ADAMTSL1: variants seen among roughly 807,000 people sequenced by gnomAD.
The protein encoded by ADAMTSL1 is ADAMTS like 1, also known as ADAMTS-like protein 1.
ADAMTSL1 carries 126 observed loss-of-function variants against 201.8 expected under a neutral mutation model. The observed-to-expected ratio is 0.62, with a 90% CI of 0.54 to 0.72. The LOEUF is 0.72. Among genes scored for constraint, ADAMTSL1 ranks in the 30% least tolerant of loss-of-function variants. The probability of loss-of-function intolerance (pLI) is 0.00; values close to 1 mark genes in which losing one functional copy is unlikely to be tolerated. For missense variants in ADAMTSL1, 2,679 were observed against 2,277.8 expected, an observed-to-expected ratio of 1.18 and a Z score of -3.59; for synonymous variants, 1,121 against 903.4, an observed-to-expected ratio of 1.24 and a Z score of -4.32.
At chr9:18,637,018 T>A (rs1465460658) in intron 6 of ADAMTSL1, among the ~76,000 whole-genome samples, 4 of 152,088 alleles carry the variant, frequency 2.6e-5, no homozygotes, top group African/African-American at 9.7e-5. Flanking sequence ...GAAGACAAAT[T>A]GAAGCCCATA....
chr9:18,533,241 A>G lies in ADAMTSL1; in HGVS notation c.192-6A>G. Reference sequence around the variant, plus strand: ...GTAATATTTCTTTTTTCTTTTTGCAACTTAGGAGCTGTGAAGGAAGAAATA... The same window carrying G: ...GTAATATTTCTTTTTTCTTTTTGCAGCTTAGGAGCTGTGAAGGAAGAAATA... On this transcript the variant is annotated splice_polypyrimidine_tract_variant and splice_region_variant and intron_variant, in intron 2 of 28. Coordinates refer to ENST00000380548, the MANE Select transcript of ADAMTSL1 (RefSeq NM_001040272.6). 1 of 1,604,430 alleles carries G rather than the reference A, an allele frequency of 6.2e-7. No homozygotes were observed. The highest frequency in any genetic ancestry group is 8.5e-7 in the Non-Finnish European group (1 of 1,175,826).
chr9:18,793,062 T>G (rs1359859942), intron 19 of ADAMTSL1, among the ~76,000 whole-genome samples: 11 of 152,196 alleles, frequency 7.2e-5, no homozygotes, highest in African/African-American at 2.4e-4. Context: ...TCAGCTCTAG[T>G]TGAATGCCAC....
At chr9:17,999,973 A>G (rs559776584) in intron 1 of ADAMTSL1, among the ~76,000 whole-genome samples, 1 of 145,948 alleles carries the variant, frequency 6.9e-6, no homozygotes, top group Admixed American at 6.9e-5. Flanking sequence ...CATGGTGTAT[A>G]TGTGCCACAT....
At chr9:17,949,871 A>G (rs1186950386) in intron 1 of ADAMTSL1, among the ~76,000 whole-genome samples, 1 of 152,188 alleles carries the variant, frequency 6.6e-6, no homozygotes, top group Non-Finnish European at 1.5e-5. Context: ...ATTTGACAGC[A>G]AAAGACGGAA....
In ADAMTSL1 at chr9:18,180,329, C is replaced by T. The variant is rs1014244475; in HGVS notation, c.207+16348C>T. On this transcript the variant is annotated intron_variant, in intron 2 of 29. Transcript: ENST00000680146. ...CGGGCGGATCACGAGGTCAGGAGAT[C>T]GAGACCATCCCGGCTAAAACGGTGA... Among the ~76,000 whole-genome samples, 228 of 152,000 alleles carry T rather than the reference C, an allele frequency of 1.5e-3. 2 individuals are homozygous for T. Among genetic ancestry groups the T allele is most frequent in the Middle Eastern group, 6.8e-3 (2 of 294 alleles).
At chr9:18,858,226 A>G (rs1000777838) in intron 23 of ADAMTSL1, among the ~76,000 whole-genome samples, 1 of 152,026 alleles carries the variant, frequency 6.6e-6, no homozygotes, top group Non-Finnish European at 1.5e-5. Flanking sequence ...TCTGGCACCC[A>G]CTATCATTAA....
At chr9:18,885,631 T>C (rs147348851) in intron 23 of ADAMTSL1, among the ~76,000 whole-genome samples, 13 of 152,220 alleles carry the variant, frequency 8.5e-5, no homozygotes, top group African/African-American at 3.1e-4. Context: ...AATTGGATCA[T>C]ATAACACTAC....
intron 9 of ADAMTSL1, 77 bp from the exon 10 acceptor site, chr9:18,675,780 G>C: frequency 7.7e-7 from 1 of 1,295,714 alleles, no homozygotes; most frequent in Non-Finnish European, 1.1e-6. Context: ...TTAAAAATTT[G>C]TATAATGTAA....
chr9:18,159,683 T>A (rs1827303802), intron 1 of ADAMTSL1, among the ~76,000 whole-genome samples: 1 of 151,912 alleles, frequency 6.6e-6, no homozygotes, highest in East Asian at 1.9e-4. Context: ...GGAGGGGAAA[T>A]TTTTATCTTT....
intron 3 of ADAMTSL1, among the ~76,000 whole-genome samples, chr9:18,544,727 G>A (rs1258056439): frequency 6.6e-6 from 1 of 152,178 alleles, no homozygotes; most frequent in Admixed American, 6.5e-5. Context: ...CCTTGACTCA[G>A]TATGAATAGG....
chr9:18,857,688 G>T (rs10963809), intron 23 of ADAMTSL1, among the ~76,000 whole-genome samples: 20,447 of 152,128 alleles, frequency 0.13, 1,584 homozygotes, highest in Middle Eastern at 0.26. Flanking sequence ...GAATTAATAC[G>T]TCTTTTGTGA....
chr9:18,229,934 C>T (rs534179681), intron 2 of ADAMTSL1, among the ~76,000 whole-genome samples: 2 of 152,146 alleles, frequency 1.3e-5, no homozygotes, highest in South Asian at 2.1e-4. Context: ...TGACCTCAAG[C>T]GATCCACTTG....
chr9:17,946,274 C>T (rs1362638713), intron 1 of ADAMTSL1, among the ~76,000 whole-genome samples: 2 of 151,932 alleles, frequency 1.3e-5, no homozygotes, highest in African/African-American at 4.8e-5. Flanking sequence ...ATTTGGATTA[C>T]AGGCTTGAAC....
At chr9:18,179,696 C>G (rs1026699822) in intron 2 of ADAMTSL1, among the ~76,000 whole-genome samples, 1 of 152,076 alleles carries the variant, frequency 6.6e-6, no homozygotes, top group Admixed American at 6.6e-5. Context: ...ACTCTACAAG[C>G]CAGAAGAGAG....
chr9:18,513,458 T>C (rs1481646456), intron 2 of ADAMTSL1, among the ~76,000 whole-genome samples: 1 of 152,206 alleles, frequency 6.6e-6, no homozygotes, highest in Non-Finnish European at 1.5e-5. Context: ...AGTTCATTCA[T>C]TGTTGTTCTT....
chr9:18,601,292 T>A (rs10810993), intron 4 of ADAMTSL1, among the ~76,000 whole-genome samples: 40,340 of 152,060 alleles, frequency 0.27, 6,264 homozygotes, highest in East Asian at 0.49. Flanking sequence ...ACATCAACTA[T>A]GTATTTAGCA....
At chr9:18,199,175 G>A (rs1829323097) in intron 2 of ADAMTSL1, among the ~76,000 whole-genome samples, 1 of 151,498 alleles carries the variant, frequency 6.6e-6, no homozygotes, top group African/African-American at 2.4e-5. Context: ...CGAGTTAGTG[G>A]GTGCAGTGCA....
chr9:18,517,823 C>T (rs1485830414), intron 2 of ADAMTSL1, among the ~76,000 whole-genome samples: 1 of 152,026 alleles, frequency 6.6e-6, no homozygotes, highest in African/African-American at 2.4e-5. Flanking sequence ...TGGGTTGGTT[C>T]CAAGTCTTTG....
chr9:17,917,992 T>G (rs562988869), intron 1 of ADAMTSL1, among the ~76,000 whole-genome samples: 1 of 152,110 alleles, frequency 6.6e-6, no homozygotes, highest in Non-Finnish European at 1.5e-5. Context: ...TATTTAATGT[T>G]ATTAGGCTAT....
Sources: allele counts gnomAD v4.1 joint callset (sites outside exome capture counted in the v4.1 genomes callset), GRCh38; gene constraint gnomAD v4.1.1; transcripts MANE v1.5; gene names NCBI Gene and HGNC (gene_info 2026-07-23, HGNC 2026-07-21).